Variants in ADAMTS3 observed in about 807,000 individuals in gnomAD.
The protein encoded by ADAMTS3 is A disintegrin and metalloproteinase with thrombospondin motifs 3.
A neutral mutation model predicts 129.0 loss-of-function variants in ADAMTS3; 73 were observed. The observed-to-expected ratio is 0.57, with a 90% confidence interval of 0.47 to 0.69. The LOEUF (loss-of-function observed/expected upper bound fraction) is 0.69, where lower values mean the gene tolerates loss of function less well. Ranked by LOEUF, ADAMTS3 falls within the 30% of genes least tolerant of loss-of-function variation. ADAMTS3 has a pLI of 0.00. For missense variants in ADAMTS3, 1,457 were observed against 1,514.5 expected (o/e 0.96, Z 0.63); for synonymous variants, 477 against 510.8 (o/e 0.93, Z 0.89).
rs750007758 is a variant in ADAMTS3, at chr4:72,319,312, A to C, written c.1352+20T>G. On this transcript the variant is annotated intron_variant, in intron 9 of 21. Transcript: ENST00000286657. ...AGGCTATAAAATAAATACTTTCATG[A>C]CATGCAGCAGGGGACATACTGGATA... is the stretch of plus-strand genomic sequence containing the variant. 2.2e-5 allele frequency: 35 copies of C among 1,613,024 alleles called. No homozygotes were observed. In the South Asian group the frequency reaches 3.8e-4, roughly 18 times the overall value.
intron 21 of ADAMTS3, among the ~76,000 whole-genome samples, chr4:72,285,225 T>C (rs1017216040): frequency 1.3e-5 from 2 of 152,206 alleles, no homozygotes; most frequent in African/African-American, 2.4e-5. Flanking sequence ...ACTTCCCAAA[T>C]TGTGAAATGA....
At chr4:72,492,570 A>G (rs1719775315) in intron 3 of ADAMTS3, among the ~76,000 whole-genome samples, 1 of 151,722 alleles carries the variant, frequency 6.6e-6, no homozygotes, top group Non-Finnish European at 1.5e-5. Flanking sequence ...GCTCAGAAAA[A>G]GTGATTTTTA....
chr4:72,296,412 A>G (rs1718809722), intron 18 of ADAMTS3, among the ~76,000 whole-genome samples: 2 of 152,108 alleles, frequency 1.3e-5, no homozygotes, highest in African/African-American at 4.8e-5. Flanking sequence ...CCTGAAGGTT[A>G]TAGGGAGTTA....
chr4:72,354,590 T>G (rs916565261), intron 4 of ADAMTS3, among the ~76,000 whole-genome samples: 1 of 151,992 alleles, frequency 6.6e-6, no homozygotes, highest in Admixed American at 6.6e-5. Context: ...CATTCAATAA[T>G]AGAGTTTTAA....
At chr4:72,412,634 T>A (rs1468241630) in intron 4 of ADAMTS3, among the ~76,000 whole-genome samples, 1 of 152,072 alleles carries the variant, frequency 6.6e-6, no homozygotes, top group African/African-American at 2.4e-5. Flanking sequence ...CAGAACTTCA[T>A]AAATAAGAAG....
chr4:72,432,411 T>G (rs529166964), intron 3 of ADAMTS3, among the ~76,000 whole-genome samples: 1 of 152,000 alleles, frequency 6.6e-6, no homozygotes, highest in East Asian at 2.0e-4. Flanking sequence ...TTTCCCTGTT[T>G]TGCCCCTTGA....
chr4:72,499,591 G>A (rs957171579), intron 3 of ADAMTS3, among the ~76,000 whole-genome samples: 3 of 152,032 alleles, frequency 2.0e-5, no homozygotes, highest in Admixed American at 6.6e-5. Context: ...ATCTTCGGGG[G>A]CTCAGGCATT....
intron 3 of ADAMTS3, among the ~76,000 whole-genome samples, chr4:72,464,643 G>A (rs953323740): frequency 6.6e-6 from 1 of 152,026 alleles, no homozygotes; most frequent in African/African-American, 2.4e-5. Flanking sequence ...CCATCCTAGA[G>A]AAACTATAAA....
intron 5 of ADAMTS3, among the ~76,000 whole-genome samples, chr4:72,331,209 C>G (rs1247230885): frequency 6.6e-6 from 1 of 152,004 alleles, no homozygotes; most frequent in Non-Finnish European, 1.5e-5. Context: ...AGTGATAGGT[C>G]AGGATATTCC....
Position 72,311,171 on chromosome 4 carries a change from T to C in ADAMTS3, c.1932A>G (p.Arg644=). The C allele has an allele frequency of 1.2e-6, 2 of 1,610,832 alleles. No homozygotes were observed. The highest frequency in any genetic ancestry group is 2.7e-5 in the African/African-American group (2 of 74,912). The change falls in exon 14 of 22, where the codon AGA becomes AGG. Residue 644 remains arginine, a synonymous_variant. Coordinates refer to ENST00000286657, the MANE Select transcript of ADAMTS3 (RefSeq NM_014243.3). ...LPYEHPDPKK[R]CHLYCQSKET... Reference sequence around the variant, plus strand: ...CCTTGGACTGACAGTAAAGGTGGCATCTTTTCTTGGCTGCATAAGATGGAG... The same window carrying C: ...CCTTGGACTGACAGTAAAGGTGGCACCTTTTCTTGGCTGCATAAGATGGAG...
intron 4 of ADAMTS3, among the ~76,000 whole-genome samples, chr4:72,342,521 G>C (rs1720165205): frequency 6.6e-6 from 1 of 151,846 alleles, no homozygotes; most frequent in Non-Finnish European, 1.5e-5. Flanking sequence ...ACACCACCAT[G>C]CCCAGCTAAT....
intron 4 of ADAMTS3, among the ~76,000 whole-genome samples, chr4:72,356,388 A>C (rs957755166): frequency 7.9e-5 from 12 of 151,912 alleles, no homozygotes; most frequent in Non-Finnish European, 1.3e-4. Flanking sequence ...ATTCTATTCT[A>C]TCTCATATAT....
intron 2 of ADAMTS3, among the ~76,000 whole-genome samples, chr4:72,549,942 A>T: frequency 9.5e-6 from 1 of 105,400 alleles, no homozygotes; most frequent in East Asian, 2.7e-4. Flanking sequence ...GCAGCAGGGC[A>T]ACAAGGGTAA....
rs78371803 is a variant in ADAMTS3 at position 72,546,593 on chromosome 4, C to T, written c.504+1885G>A. Among the ~76,000 whole-genome samples, 90 of 152,222 alleles carry T rather than the reference C, an allele frequency of 5.9e-4. 2 individuals are homozygous for T. The East Asian group carries it at 0.017, about 29-fold the overall frequency. ...ACTCACAACCAGTTCCCTCTGACGA[C>T]AGTCCAGAGGAATTAGCAAGGAGAT... is the stretch of plus-strand genomic sequence containing the variant. On this transcript the variant is annotated intron_variant, in intron 3 of 21. Transcript: ENST00000286657.
At chr4:72,326,585 A>T (rs2109815604) in intron 5 of ADAMTS3, among the ~76,000 whole-genome samples, 1 of 152,146 alleles carries the variant, frequency 6.6e-6, no homozygotes, top group South Asian at 2.1e-4. Context: ...CTCTACTTTT[A>T]CTTGCTTTGT....
intron 18 of ADAMTS3, among the ~76,000 whole-genome samples, chr4:72,297,980 G>T (rs775447349): frequency 5.9e-5 from 9 of 152,020 alleles, no homozygotes; most frequent in Non-Finnish European, 1.2e-4. Context: ...ACTGAATTTG[G>T]GAGAGTTTTG....
In ADAMTS3 at chr4:72,444,779, A is replaced by G. The variant is rs181283991; in HGVS notation, c.505-29808T>C. On this transcript the variant is annotated intron_variant, in intron 3 of 21. Transcript: ENST00000286657. ...CAATATGAGATAATTCATAATTGCC[A>G]GAAAGTGGAAACAAGCCATTGTCTG... Among the ~76,000 whole-genome samples the G allele has an allele frequency of 9.5e-4, 144 of 151,916 alleles. 1 individual carries two copies. The highest frequency in any genetic ancestry group is 2.0e-3 in the Admixed American group (31 of 15,236).
chr4:72,454,883 CA>C (rs767649832), intron 3 of ADAMTS3, among the ~76,000 whole-genome samples: 1 of 151,582 alleles, frequency 6.6e-6, no homozygotes, highest in Non-Finnish European at 1.5e-5. Context: ...AATACTTAGT[CA>C]AAATGGAAAT....
At position 72,548,838 on chromosome 4, in the gene ADAMTS3, G is replaced by A. The variant is rs772393129; in HGVS notation, c.144C>T (p.Val48=). The change falls in exon 3 of 22, where the codon GTC becomes GTT. Residue 48 remains valine (V), a synonymous_variant. Coordinates refer to ENST00000286657, the MANE Select transcript of ADAMTS3 (RefSeq NM_014243.3). ...RYREYELVTP[V]STNLEGRYLS... ...GATAGCGTCCTTCTAGATTTGTGCT[G>A]ACTGGAGTCACCAGCTCATACTCTC... The A allele has an allele frequency of 1.4e-5, 22 of 1,613,510 alleles. No homozygotes were observed. The highest frequency in any genetic ancestry group is 8.5e-7 in the Non-Finnish European group (1 of 1,179,820).
Sources: gnomAD v4.1 joint callset for allele counts (sites outside exome capture counted in the v4.1 genomes callset) on GRCh38, gnomAD v4.1.1 for gene constraint, MANE v1.5 for transcripts, NCBI Gene and HGNC (gene_info 2026-07-23, HGNC 2026-07-21) for gene names.